NFIB: variants seen among roughly 807,000 people sequenced by gnomAD.
NFIB encodes the protein nuclear factor 1 B-type.
In NFIB, 11 loss-of-function variants were observed where a neutral mutation model predicts 61.5. That is an observed-to-expected ratio of 0.18 (90% confidence interval 0.11 to 0.30). NFIB has a LOEUF of 0.30. Ranked by LOEUF, NFIB falls within the 10% of genes least tolerant of loss-of-function variation. NFIB has a pLI of 1.00. For synonymous variants in NFIB, 260 were observed against 216.5 expected (o/e 1.20, Z -1.76); for missense variants, 471 against 608.9 (o/e 0.77, Z 2.38).
In NFIB at chr9:14,212,119, G is replaced by C. The variant is rs147494794; in HGVS notation, c.563-32339C>G. ...AAATGAACCATTCTAACATGAAAGAGGCATAAATTAATAAATCCCTGAGAA... is the reference window on the plus strand; with the variant it reads ...AAATGAACCATTCTAACATGAAAGACGCATAAATTAATAAATCCCTGAGAA... On this transcript the variant is annotated intron_variant, in intron 2 of 10. Transcript: ENST00000380953. Among the ~76,000 whole-genome samples the C allele has an allele frequency of 5.6e-4, 86 of 152,306 alleles. 1 individual carries two copies. Among genetic ancestry groups the C allele is most frequent in the African/African-American group, 2.0e-3 (82 of 41,574 alleles).
rs528855627 is a variant in NFIB at position 14,330,031 on chromosome 9, G to C, written c.109-22511C>G. Among the ~76,000 whole-genome samples the C allele has an allele frequency of 3.3e-5, 5 of 152,134 alleles. No individual in the cohort carries two copies. In the East Asian group the frequency reaches 5.9e-4, roughly 18 times the overall value. Reference sequence around the variant, plus strand: ...AGTCTCAGCTACTCGGGAAGCTGAGGCAGGAGAATCACTTGAACCCTGGAG... The same window carrying C: ...AGTCTCAGCTACTCGGGAAGCTGAGCCAGGAGAATCACTTGAACCCTGGAG... On this transcript the variant is annotated intron_variant, in intron 1 of 8. Coordinates refer to the NFIB transcript ENST00000380934.
At chr9:14,498,111 T>C in the NFIB span, among the ~76,000 whole-genome samples, 6 of 152,224 alleles carry the variant, frequency 3.9e-5, no homozygotes, top group Admixed American at 2.6e-4. Context: ...GTTCATTTTA[T>C]GAGTAAGCAA....
chr9:14,319,840 TAAC>T (rs1419232464), intron 1 of NFIB, among the ~76,000 whole-genome samples: 1 of 152,330 alleles, frequency 6.6e-6, no homozygotes, highest in African/African-American at 2.4e-5. Context: ...AAGCAATGCA[TAAC>T]AACAGAATTG....
intron 1 of NFIB, among the ~76,000 whole-genome samples, chr9:14,377,821 G>T (rs184282210): frequency 3.9e-5 from 6 of 152,290 alleles, no homozygotes; most frequent in Non-Finnish European, 7.3e-5. Context: ...GGAAGAAGCG[G>T]AGGTGAAAGC....
intron 3 of NFIB, among the ~76,000 whole-genome samples, chr9:14,161,512 T>C (rs2044200785): frequency 6.6e-6 from 1 of 151,460 alleles, no homozygotes; most frequent in Non-Finnish European, 1.5e-5. Flanking sequence ...CATATATATA[T>C]ATATTTATTT....
At position 14,307,961 on chromosome 9, in the gene NFIB, G is replaced by C. The variant is rs1276554548; in HGVS notation, c.31-441C>G. On this transcript the variant is annotated intron_variant, in intron 1 of 10. Transcript: ENST00000380953. The surrounding 1 kb of genome is among the most constrained non-coding windows in gnomAD (Gnocchi z 5.3). ...CAGTGAGATTTTTTTTTTTTAATCG[G>C]AGTAGAGCTGTTCAGAAGGCAGGAG... 6.4e-6 allele frequency: 1 copy of C among 156,024 alleles called. No individual in the cohort carries two copies. Among genetic ancestry groups the C allele is most frequent in the African/African-American group, 2.4e-5 (1 of 41,278 alleles). The allele number at this position is 156,024 out of a possible 1,614,324, so 9.7% of individuals were successfully genotyped here.
chr9:14,470,051 T>C, the NFIB span, among the ~76,000 whole-genome samples: 1 of 152,204 alleles, frequency 6.6e-6, no homozygotes, highest in East Asian at 1.9e-4. Flanking sequence ...TGAAGGGAAC[T>C]GTATGAACTT....
intron 6 of NFIB, among the ~76,000 whole-genome samples, chr9:14,139,428 T>C (rs1457579984): frequency 1.3e-5 from 2 of 152,226 alleles, no homozygotes; most frequent in Admixed American, 6.5e-5. Flanking sequence ...TAAAACCTTT[T>C]CTTATGCAGA....
chr9:14,223,976 C>A (rs2052036174), intron 2 of NFIB, among the ~76,000 whole-genome samples: 4 of 152,138 alleles, frequency 2.6e-5, no homozygotes, highest in Admixed American at 2.6e-4. Context: ...CAAATTTTGT[C>A]CCTTGAGCAA....
Position 14,161,915 on chromosome 9 carries a change from T to A in NFIB, c.617-6022A>T, listed in dbSNP as rs185199633. 5.3e-5 allele frequency among the ~76,000 whole-genome samples: 8 copies of A among 152,290 alleles called. No individual in the cohort carries two copies. The East Asian group carries it at 1.5e-3, about 29-fold the overall frequency. ...CACTCCTTAGGGCAAGCTGTGAGCA[T>A]GTCCATCTCACAATCCTGCTGCCAG... On this transcript the variant is annotated intron_variant, in intron 3 of 10. Coordinates refer to ENST00000380953, the MANE Select transcript of NFIB (RefSeq NM_001190737.2).
the NFIB span, among the ~76,000 whole-genome samples, chr9:14,464,383 G>A: frequency 6.6e-6 from 1 of 152,158 alleles, no homozygotes; most frequent in African/African-American, 2.4e-5. Context: ...CTTAGGCAGT[G>A]CTGTGTGTGG....
intron 2 of NFIB, among the ~76,000 whole-genome samples, chr9:14,243,888 G>C (rs569643519): frequency 2.0e-5 from 3 of 152,292 alleles, no homozygotes; most frequent in Admixed American, 2.0e-4. Context: ...TGAAGCCACA[G>C]ATATGGCTGC....
At chr9:14,511,401 T>G in the NFIB span, among the ~76,000 whole-genome samples, 1 of 152,076 alleles carries the variant, frequency 6.6e-6, no homozygotes, top group Non-Finnish European at 1.5e-5. Context: ...TATGTTTATA[T>G]AATTTTAATT....
chr9:14,108,964 A>T (rs72698745), intron 10 of NFIB, among the ~76,000 whole-genome samples: 2,045 of 152,180 alleles, frequency 0.013, 24 homozygotes, highest in Middle Eastern at 0.02. Flanking sequence ...AGATTTTTAA[A>T]TATATGTTGA....
rs1236954951 is a variant in NFIB at position 14,120,503 on chromosome 9, A to G, written c.1182T>C (p.Asn394=). Residue 394 remains asparagine, a synonymous_variant, in exon 8 of 11, where the codon AAT becomes AAC. Transcript: ENST00000380953. This position sits in a 1 kb window ranked among gnomAD's most constrained non-coding sequence, Gnocchi z 4.4. ...CATAGTTCTTCAGAGTATCCTGAGG[A>G]TTCAGGTGGGGAGGATATCTGATTG... ...HPTIRYPPHL[N]PQDTLKNYVP... The G allele has an allele frequency of 6.2e-7, 1 of 1,614,082 alleles. No homozygotes were observed. The highest frequency in any genetic ancestry group is 1.1e-5 in the South Asian group (1 of 91,072).
At chr9:14,182,634 C>T (rs559790047) in intron 2 of NFIB, among the ~76,000 whole-genome samples, 1 of 148,238 alleles carries the variant, frequency 6.7e-6, no homozygotes, top group African/African-American at 2.5e-5. Context: ...TTACTCTATA[C>T]CCAAAGGTTT....
chr9:14,466,304 A>G, the NFIB span, among the ~76,000 whole-genome samples: 4 of 152,188 alleles, frequency 2.6e-5, no homozygotes, highest in Non-Finnish European at 1.5e-5. Context: ...GTATGCAGGC[A>G]ATACTAAGGC....
chr9:14,324,513 T>C (rs1314638655), intron 1 of NFIB, among the ~76,000 whole-genome samples: 1 of 152,122 alleles, frequency 6.6e-6, no homozygotes, highest in East Asian at 1.9e-4. Context: ...TCCCTCCCAA[T>C]GTCATTACAT....
At chr9:14,116,108 T>G (rs2038093165) in intron 9 of NFIB, 100 bp downstream of exon 9, 5 of 1,293,536 alleles carry the variant, frequency 3.9e-6, no homozygotes, top group Non-Finnish European at 5.0e-6. Context: ...AAAATTGCCG[T>G]GTTTTCCACC....
Sources: allele counts gnomAD v4.1 joint callset (sites outside exome capture counted in the v4.1 genomes callset), GRCh38; gene constraint gnomAD v4.1.1; non-coding constraint Gnocchi (gnomAD v3.1); transcripts MANE v1.5; gene names NCBI Gene and HGNC (gene_info 2026-07-23, HGNC 2026-07-21).